SIN3B: variants seen among roughly 807,000 people sequenced by gnomAD.
SIN3B encodes SIN3 transcription regulator family member B.
In SIN3B, 19 loss-of-function variants were observed where a neutral mutation model predicts 120.2. That is an observed-to-expected ratio of 0.16 (90% CI 0.11 to 0.23). The LOEUF (loss-of-function observed/expected upper bound fraction) is 0.23. SIN3B is among the 10% of genes least tolerant of loss of function. The pLI is 1.00. For missense variants in SIN3B, 1,073 were observed against 1,573.0 expected (o/e 0.68, Z 5.38); for synonymous variants, 654 against 653.2 (o/e 1.00, Z -0.02).
intron 3 of SIN3B, among the ~76,000 whole-genome samples, chr19:16,834,557 A>G (rs184032296): frequency 6.6e-6 from 1 of 152,190 alleles, no homozygotes; most frequent in African/African-American, 2.4e-5. Flanking sequence ...AAGAACTTTC[A>G]CTTAGTAGCT....
At chr19:16,840,072 T>C (rs1022103340) in intron 3 of SIN3B, among the ~76,000 whole-genome samples, 1 of 152,296 alleles carries the variant, frequency 6.6e-6, no homozygotes, top group Non-Finnish European at 1.5e-5. Context: ...CTGCGTCTTG[T>C]ATTTCTGCTT....
At chr19:16,857,553 G>GTGTGTGTGTGTGTGTGTA (rs66778532) in intron 8 of SIN3B, among the ~76,000 whole-genome samples, 2,007 of 139,454 alleles carry the variant, frequency 0.014, 41 homozygotes, top group East Asian at 0.029. Flanking sequence ...GTGTGTGTGT[G>GTGTGTGTGTGTGTGTGTA]TATATATACA....
chr19:16,863,537 T>C (rs1971718148), intron 9 of SIN3B, 143 bp from the exon 10 acceptor site: 4 of 666,590 alleles, frequency 6.0e-6, no homozygotes, highest in Non-Finnish European at 8.2e-6. Flanking sequence ...TTAAAAACTT[T>C]ATGCACCTTC....
At chr19:16,843,734 A>G (rs1348554180) in intron 4 of SIN3B, among the ~76,000 whole-genome samples, 1 of 152,224 alleles carries the variant, frequency 6.6e-6, no homozygotes, top group South Asian at 2.1e-4. Flanking sequence ...GGAAGGGACA[A>G]CGCAGTATCC....
rs952111197 is a variant in SIN3B, at chr19:16,878,224, C to T, written c.2996C>T (p.Ala999Val). Residue 999 changes from alanine (A) to valine (V), a missense_variant, in exon 18 of 19, where the codon GCG becomes GTG. Physicochemically the swap from Ala to Val is moderately conservative, Grantham distance 64. This residue lies in a region of SIN3B where 311 missense variants were observed against 400.3 expected (regional missense o/e 0.78). Transcript: ENST00000248054. ...KFRRRWQSEQ[A>V]RALRGEARSS... ...CGCCGCCGGTGGCAGAGCGAGCAGG[C>T]GCGGGCCCTGCGCGGTGAGGCCAGG... 17 of 1,596,846 alleles carry T rather than the reference C, an allele frequency of 1.1e-5. No homozygotes were observed. The highest frequency in any genetic ancestry group is 1.3e-5 in the Non-Finnish European group (15 of 1,171,788).
At chr19:16,875,323 T>TTGGGTCTGGTC (rs2051578649) in intron 14 of SIN3B, among the ~76,000 whole-genome samples, 1 of 143,922 alleles carries the variant, frequency 6.9e-6, no homozygotes, top group Non-Finnish European at 1.5e-5. Flanking sequence ...CTGGTCTGGT[T>TTGGGTCTGGTC]TGGGTCTGGT....
chr19:16,861,293 G>A (rs111640362), intron 8 of SIN3B, among the ~76,000 whole-genome samples: 2,702 of 152,262 alleles, frequency 0.018, 77 homozygotes, highest in African/African-American at 0.061. Context: ...CAGGCAGTGC[G>A]TACACAAGTG....
Position 16,859,339 on chromosome 19 carries a change from A to T in SIN3B, c.1059-3013A>T, listed in dbSNP as rs533926197. Among the ~76,000 whole-genome samples, 107 of 151,822 alleles carry T rather than the reference A, an allele frequency of 7.0e-4. 1 individual carries two copies. The highest frequency in any genetic ancestry group is 2.5e-3 in the African/African-American group (104 of 41,440). On this transcript the variant is annotated intron_variant, in intron 8 of 18. Transcript: ENST00000248054. ...GCTTCGGTGTGTATTTTTTTTTTTA[A>T]CTCAGCATTTCTTGGAAGTGTTTCA...
At position 16,851,532 on chromosome 19, in the gene SIN3B, A is replaced by C. The variant is rs780320420; in HGVS notation, c.847A>C (p.Lys283Gln). ...SLLRPVSAPAKKKMKLRGTKD... is the reference protein window; with the variant it reads ...SLLRPVSAPAQKKMKLRGTKD... ...CCTCCGCCCCGTGTCTGCACCCGCC[A>C]AGGTACCTGTGAGCCACATGCAGCC... is the stretch of plus-strand genomic sequence containing the variant. Residue 283 changes from lysine (K) to glutamine (Q), a missense_variant and splice_region_variant, in exon 6 of 19, where the codon AAG becomes CAG. By Grantham distance (53) the Lys-to-Gln change is moderately conservative. This residue lies in a region of SIN3B where 395 missense variants were observed against 528.0 expected (regional missense o/e 0.75). Coordinates refer to ENST00000248054, the MANE Select transcript of SIN3B (RefSeq NM_001297595.2). 6.3e-7 allele frequency: 1 copy of C among 1,595,734 alleles called. No individual in the cohort carries two copies. Among genetic ancestry groups the C allele is most frequent in the Non-Finnish European group, 8.5e-7 (1 of 1,171,412 alleles).
chr19:16,878,897 G>T lies in SIN3B; in HGVS notation c.*170G>T. On this transcript the variant is annotated 3_prime_UTR_variant, in exon 19 of 19. Transcript: ENST00000248054. ...CCGCCCCCGTGGCTCCCGGTCTCCT[G>T]TGGGCCTGCTGTGTGCCAAACCTGA... The T allele has an allele frequency of 3.1e-6, 2 of 654,900 alleles. No individual in the cohort carries two copies. The highest frequency in any genetic ancestry group is 5.5e-5 in the East Asian group (2 of 36,132). The allele number at this position is 654,900 out of a possible 1,614,324, so 40.6% of individuals were successfully genotyped here. A position where few individuals can be genotyped will look rare whatever the true frequency, so the allele number is the denominator to read the frequency against.
chr19:16,853,028 T>C, intron 6 of SIN3B, 41 bp from the exon 7 acceptor site: 2 of 1,517,194 alleles, frequency 1.3e-6, no homozygotes, highest in Admixed American at 3.4e-5. Context: ...AGGCCACCGG[T>C]GGGAGGCACA....
chr19:16,852,939 C>A, intron 6 of SIN3B, 130 bp from the exon 7 acceptor site: 2 of 667,418 alleles, frequency 3.0e-6, no homozygotes, highest in African/African-American at 1.8e-5. Flanking sequence ...CTGCCTGTCC[C>A]TCACTGAGCA....
At chr19:16,873,545 C>A (rs1448640831) in intron 14 of SIN3B, among the ~76,000 whole-genome samples, 1 of 151,502 alleles carries the variant, frequency 6.6e-6, no homozygotes, top group Non-Finnish European at 1.5e-5. Flanking sequence ...AGGCTGGGCA[C>A]CCCTCATGGG....
intron 14 of SIN3B, among the ~76,000 whole-genome samples, chr19:16,875,552 T>TTGGTCTGGTC (rs544805908): frequency 7.1e-6 from 1 of 141,552 alleles, no homozygotes; most frequent in Non-Finnish European, 1.5e-5. Context: ...TCTGGTCTGT[T>TTGGTCTGGTC]TGGTCTGGTC....
intron 2 of SIN3B, among the ~76,000 whole-genome samples, chr19:16,830,152 T>G (rs1971261427): frequency 6.6e-6 from 1 of 152,246 alleles, no homozygotes; most frequent in Non-Finnish European, 1.5e-5. Context: ...CCGTGCACAC[T>G]CATAGAGTCA....
intron 5 of SIN3B, among the ~76,000 whole-genome samples, chr19:16,850,026 G>A (rs547348590): frequency 3.4e-4 from 50 of 148,182 alleles, no homozygotes; most frequent in Non-Finnish European, 6.4e-4. Flanking sequence ...TACAGCTCTC[G>A]AAATAGCCTT....
At chr19:16,831,297 A>T (rs536894874) in intron 2 of SIN3B, among the ~76,000 whole-genome samples, 197 bp from the exon 3 acceptor site, 1 of 152,088 alleles carries the variant, frequency 6.6e-6, no homozygotes, top group Non-Finnish European at 1.5e-5. Context: ...TCTTGACCTC[A>T]GGTGATCTGC....
intron 8 of SIN3B, among the ~76,000 whole-genome samples, chr19:16,860,838 C>G (rs1196293798): frequency 1.3e-5 from 2 of 151,906 alleles, no homozygotes; most frequent in Non-Finnish European, 2.9e-5. Context: ...CGTGATCCGC[C>G]CGCCTCGGCC....
chr19:16,874,325 TCTGGTCTGGTCTAGTTTTGGTCTGGC>T (rs2051553048), intron 14 of SIN3B, among the ~76,000 whole-genome samples: 1 of 151,974 alleles, frequency 6.6e-6, no homozygotes, highest in Admixed American at 6.6e-5. Context: ...TTTGGTCTGG[TCTGGTCTGGTCTAGTTTTGGTCTGGC>T]CTGGTCTGGT....
Sources: gnomAD v4.1 joint callset for allele counts (sites outside exome capture counted in the v4.1 genomes callset) on GRCh38, gnomAD v4.1.1 for gene constraint, gnomAD v4.1.1 regional missense constraint, MANE v1.5 for transcripts, NCBI Gene and HGNC (gene_info 2026-07-23, HGNC 2026-07-21) for gene names.